CRABP1: variants seen among roughly 807,000 people sequenced by gnomAD.
CRABP1 encodes the protein cellular retinoic acid binding protein 1.
In CRABP1, 9 loss-of-function variants were observed where a neutral mutation model predicts 16.4. The observed-to-expected ratio is 0.55, with a 90% CI of 0.33 to 0.96. CRABP1 has a LOEUF of 0.96. CRABP1 is among the 40% of genes least tolerant of loss of function. The pLI is 0.03. For synonymous variants in CRABP1, 72 were observed against 70.4 expected, an observed-to-expected ratio of 1.02 and a Z score of -0.11; for missense variants, 157 against 186.0, an observed-to-expected ratio of 0.84 and a Z score of 0.91.
chr15:78,344,338 T>C (rs1231473255), intron 3 of CRABP1, among the ~76,000 whole-genome samples: 2 of 152,098 alleles, frequency 1.3e-5, no homozygotes, highest in Admixed American at 1.3e-4. Flanking sequence ...CATATGCCTG[T>C]AATCCCAGCT....
In CRABP1 at chr15:78,340,443, C is replaced by A. The variant is rs748718781; in HGVS notation, c.15C>A (p.Ala5=). 2 of 1,602,132 alleles carry A rather than the reference C, an allele frequency of 1.2e-6. No individual in the cohort carries two copies. The highest frequency in any genetic ancestry group is 1.7e-6 in the Non-Finnish European group (2 of 1,175,948). Residue 5 remains alanine (A), a synonymous_variant, in exon 1 of 4, where the codon GCC becomes GCA. Coordinates refer to ENST00000299529, the MANE Select transcript of CRABP1 (RefSeq NM_004378.3). ...CCACCGCCACCATGCCCAACTTCGC[C>A]GGCACCTGGAAGATGCGCAGCAGCG... The part of the protein sequence containing the change: MPNF[A]GTWKMRSSEN...
chr15:78,347,610 A>G (rs573369188), intron 3 of CRABP1, among the ~76,000 whole-genome samples: 1 of 152,322 alleles, frequency 6.6e-6, no homozygotes, highest in African/African-American at 2.4e-5. Flanking sequence ...AGAAATGTCC[A>G]TTGTGACATT....
At chr15:78,347,763 A>G (rs887217028) in intron 3 of CRABP1, 164 bp from the exon 4 acceptor site, 18 of 657,324 alleles carry the variant, frequency 2.7e-5, no homozygotes, top group Non-Finnish European at 4.3e-5. Flanking sequence ...CTTAAGGGGG[A>G]AAAAATATCC....
chr15:78,340,366 C>A lies in CRABP1; in HGVS notation c.-63C>A, dbSNP rs954485118. On this transcript the variant is annotated 5_prime_UTR_variant, in exon 1 of 4. Coordinates refer to ENST00000299529, the MANE Select transcript of CRABP1 (RefSeq NM_004378.3). ...GCGCAAAGCGCCAGTCTCCGCCTTG[C>A]GAGCTCAGAGTGTGCCCGCTGCGCC... 5.2e-6 allele frequency: 8 copies of A among 1,539,090 alleles called. No homozygotes were observed. The African/African-American group carries it at 9.6e-5, about 18-fold the overall frequency.
Position 78,341,395 on chromosome 15 carries a change from G to C in CRABP1, c.249+174G>C. 1 of 715,122 alleles carries C rather than the reference G, an allele frequency of 1.4e-6. No individual in the cohort carries two copies. The allele number at this position is 715,122 out of a possible 1,614,324, so 44.3% of individuals were successfully genotyped here. A position where few individuals can be genotyped will look rare whatever the true frequency, so the allele number is the denominator to read the frequency against. The stretch of plus-strand genomic sequence containing the variant: ...TGCATCCTAGTTGCCCCTGGCTCAA[G>C]ACAAAGTATTACCTTCATTCCATCT... On this transcript the variant is annotated intron_variant, in intron 2 of 3. Coordinates refer to ENST00000299529, the MANE Select transcript of CRABP1 (RefSeq NM_004378.3). The surrounding 1 kb of genome is among the most constrained non-coding windows in gnomAD (Gnocchi z 5.3).
Position 78,341,188 on chromosome 15 carries a change from T to C in CRABP1, c.216T>C (p.Phe72=). Residue 72 remains phenylalanine, a synonymous_variant, in exon 2 of 4, where the codon TTT becomes TTC. Coordinates refer to ENST00000299529, the MANE Select transcript of CRABP1 (RefSeq NM_004378.3). This position sits in a 1 kb window ranked among gnomAD's most constrained non-coding sequence, Gnocchi z 5.3. The part of the protein sequence containing the change: ...TEINFKVGEG[F]EEETVDGRKC... The stretch of plus-strand genomic sequence containing the variant: ...TCAACTTCAAGGTCGGAGAAGGCTT[T>C]GAGGAGGAGACCGTGGACGGACGCA... 6.2e-7 allele frequency: 1 copy of C among 1,612,390 alleles called. No homozygotes were observed. The highest frequency in any genetic ancestry group is 8.5e-7 in the Non-Finnish European group (1 of 1,179,392).
rs764836456 is a variant in CRABP1, at chr15:78,341,246, G to T, written c.249+25G>T. The T allele has an allele frequency of 6.9e-6, 11 of 1,590,266 alleles. No individual in the cohort carries two copies. In the South Asian group the frequency reaches 1.0e-4, roughly 15 times the overall value. ...GGTGAGGCCCCAGAGCCACTACAGCGTCCCCGTGTCCCCGCTCGGTGCCCA... is the reference window on the plus strand; with the variant it reads ...GGTGAGGCCCCAGAGCCACTACAGCTTCCCCGTGTCCCCGCTCGGTGCCCA... On this transcript the variant is annotated intron_variant, in intron 2 of 3. Coordinates refer to ENST00000299529, the MANE Select transcript of CRABP1 (RefSeq NM_004378.3). The surrounding 1 kb of genome is among the most constrained non-coding windows in gnomAD (Gnocchi z 5.3).
intron 3 of CRABP1, among the ~76,000 whole-genome samples, chr15:78,346,705 A>T (rs1452045177): frequency 6.6e-6 from 1 of 152,220 alleles, no homozygotes; most frequent in Non-Finnish European, 1.5e-5. Flanking sequence ...CTGCTTCCTC[A>T]GTCACTAAGG....
Position 78,341,126 on chromosome 15 carries a change from T to C in CRABP1, c.154T>C (p.Tyr52His), listed in dbSNP as rs2050231312. 1.9e-6 allele frequency: 3 copies of C among 1,613,126 alleles called. No homozygotes were observed. The highest frequency in any genetic ancestry group is 2.5e-6 in the Non-Finnish European group (3 of 1,179,716). ...VEIRQDGDQF[Y>H]IKTSTTVRTT... ...GATCCGCCAGGACGGGGATCAGTTC[T>C]ACATCAAGACATCCACCACGGTGCG... is the stretch of plus-strand genomic sequence containing the variant. Residue 52 changes from tyrosine to histidine, a missense_variant, in exon 2 of 4, where the codon TAC becomes CAC. Coordinates refer to ENST00000299529, the MANE Select transcript of CRABP1 (RefSeq NM_004378.3). The surrounding 1 kb of genome is among the most constrained non-coding windows in gnomAD (Gnocchi z 5.3).
In CRABP1 at chr15:78,340,495, C is replaced by G. The variant is rs770944935; in HGVS notation, c.67C>G (p.Leu23Val). ...GAATTTCGACGAGCTGCTCAAGGCA[C>G]TGGGTAAGCTGGTGCAGAGGGCGCG... is the stretch of plus-strand genomic sequence containing the variant. ...SENFDELLKALGVNAMLRKVA... is the reference protein window; with the variant it reads ...SENFDELLKAVGVNAMLRKVA... The change falls in exon 1 of 4, where the codon CTG (leucine) becomes GTG (valine). Residue 23 changes from leucine to valine, a missense_variant. Transcript: ENST00000299529. 6.2e-7 allele frequency: 1 copy of G among 1,607,110 alleles called. No individual in the cohort carries two copies. Among genetic ancestry groups the G allele is most frequent in the African/African-American group, 1.3e-5 (1 of 74,836 alleles).
chr15:78,340,648 C>A (rs780521599), intron 1 of CRABP1, 150 bp downstream of exon 1: 6 of 858,812 alleles, frequency 7.0e-6, no homozygotes, highest in South Asian at 3.7e-5. Flanking sequence ...GTCTCCCAGG[C>A]GCACCGGGTC....
At position 78,341,260 on chromosome 15, in the gene CRABP1, G is replaced by A. The variant is rs750205700; in HGVS notation, c.249+39G>A. ...GCCACTACAGCGTCCCCGTGTCCCC[G>A]CTCGGTGCCCATGGCCCACTGCTGC... is the stretch of plus-strand genomic sequence containing the variant. On this transcript the variant is annotated intron_variant, in intron 2 of 3. Coordinates refer to ENST00000299529, the MANE Select transcript of CRABP1 (RefSeq NM_004378.3). This position sits in a 1 kb window ranked among gnomAD's most constrained non-coding sequence, Gnocchi z 5.3. The A allele has an allele frequency of 6.3e-7, 1 of 1,578,924 alleles. No homozygotes were observed. The highest frequency in any genetic ancestry group is 1.8e-5 in the Admixed American group (1 of 54,324).
chr15:78,343,508 A>T lies in CRABP1; in HGVS notation c.259A>T (p.Thr87Ser), dbSNP rs370616671. Residue 87 changes from threonine to serine, a missense_variant, in exon 3 of 4, where the codon ACT becomes TCT. Transcript: ENST00000299529. ...VDGRKCRSLA[T>S]WENENKIHCT... Reference sequence around the variant, plus strand: ...GTTTTCCCGCCTGCAGAGTTTAGCCACTTGGGAGAATGAGAACAAGATCCA... The same window carrying T: ...GTTTTCCCGCCTGCAGAGTTTAGCCTCTTGGGAGAATGAGAACAAGATCCA... 1.9e-6 allele frequency: 3 copies of T among 1,614,070 alleles called. No homozygotes were observed. The highest frequency in any genetic ancestry group is 2.2e-5 in the East Asian group (1 of 44,886).
chr15:78,343,751 C>T lies in CRABP1; in HGVS notation c.363+139C>T, dbSNP rs79346042. On this transcript the variant is annotated intron_variant, in intron 3 of 3. Transcript: ENST00000299529. ...CTGGATTAAAATTAGAGCAGAAAAC[C>T]CGAGATGACAGTTCAGGTCAGAGGA... 4,080 of 636,352 alleles carry T rather than the reference C, an allele frequency of 6.4e-3. 105 individuals are homozygous for T. The highest frequency in any genetic ancestry group is 0.059 in the African/African-American group (3,229 of 54,512). The allele number at this position is 636,352 out of a possible 1,614,324, so 39.4% of individuals were successfully genotyped here.
intron 3 of CRABP1, 36 bp downstream of exon 3, chr15:78,343,648 T>C (rs778144136): frequency 1.3e-6 from 2 of 1,584,966 alleles, no homozygotes; most frequent in Admixed American, 3.4e-5. Flanking sequence ...ATCCTGAAGT[T>C]CCCCCAGAGG....
chr15:78,343,451 C>T (rs775117459), intron 2 of CRABP1, 48 bp from the exon 3 acceptor site: 58 of 1,438,838 alleles, frequency 4.0e-5, no homozygotes, highest in East Asian at 9.1e-5. Flanking sequence ...TCCCTGCTCC[C>T]GCTGCTGAGA....
intron 3 of CRABP1, chr15:78,347,679 T>C (rs2050274052): frequency 4.9e-6 from 2 of 407,470 alleles, no homozygotes; most frequent in Non-Finnish European, 8.6e-6. Flanking sequence ...TGTCAGCATT[T>C]TACAGGTTCC....
Position 78,341,252 on chromosome 15 carries a change from G to A in CRABP1, c.249+31G>A. On this transcript the variant is annotated intron_variant, in intron 2 of 3. Transcript: ENST00000299529. The surrounding 1 kb of genome is among the most constrained non-coding windows in gnomAD (Gnocchi z 5.3). ...GCCCCAGAGCCACTACAGCGTCCCC[G>A]TGTCCCCGCTCGGTGCCCATGGCCC... is the stretch of plus-strand genomic sequence containing the variant. 3 of 1,590,808 alleles carry A rather than the reference G, an allele frequency of 1.9e-6. No individual in the cohort carries two copies. The highest frequency in any genetic ancestry group is 2.6e-6 in the Non-Finnish European group (3 of 1,168,894).
chr15:78,344,365 C>T (rs566271367), intron 3 of CRABP1, among the ~76,000 whole-genome samples: 8 of 152,046 alleles, frequency 5.3e-5, no homozygotes, highest in Admixed American at 3.9e-4. Context: ...GAAGCTGAGG[C>T]AGGAGATTCA....
Sources: allele counts gnomAD v4.1 joint callset (sites outside exome capture counted in the v4.1 genomes callset), GRCh38; gene constraint gnomAD v4.1.1; non-coding constraint Gnocchi (gnomAD v3.1); transcripts MANE v1.5; gene names NCBI Gene and HGNC (gene_info 2026-07-23, HGNC 2026-07-21).